The following NOL4 variants were observed in gnomAD, a reference collection of about 807,000 sequenced individuals.
NOL4 encodes cancer/testis antigen 125.
In NOL4, 17 loss-of-function variants were observed where a neutral mutation model predicts 75.9. The observed-to-expected ratio is 0.22, with a 90% confidence interval of 0.15 to 0.34. The LOEUF (loss-of-function observed/expected upper bound fraction) is 0.34, where lower values mean the gene tolerates loss of function less well. Among genes scored for constraint, NOL4 ranks in the 10% least tolerant of loss-of-function variants. The pLI is 1.00. For synonymous variants in NOL4, 292 were observed against 289.9 expected, an observed-to-expected ratio of 1.01 and a Z score of -0.07; for missense variants, 614 against 793.5, an observed-to-expected ratio of 0.77 and a Z score of 2.72.
chr18:34,000,240 C>T (rs2073601304), intron 6 of NOL4, among the ~76,000 whole-genome samples: 1 of 152,086 alleles, frequency 6.6e-6, no homozygotes, highest in African/African-American at 2.4e-5. Context: ...GTACAGTCAA[C>T]CTGCTCAGGA....
At chr18:34,132,451 T>C (rs1278938734) in intron 1 of NOL4, among the ~76,000 whole-genome samples, 1 of 152,208 alleles carries the variant, frequency 6.6e-6, no homozygotes, top group Non-Finnish European at 1.5e-5. Flanking sequence ...CTCAAGAAAT[T>C]GGAAGTTCAG....
intron 8 of NOL4, among the ~76,000 whole-genome samples, chr18:33,952,347 T>G (rs1302963429): frequency 6.6e-6 from 1 of 152,178 alleles, no homozygotes; most frequent in East Asian, 1.9e-4. Flanking sequence ...CATAAAAAAT[T>G]AGTGAACCAA....
At chr18:33,854,140 G>A (rs1469034116) in intron 10 of NOL4, among the ~76,000 whole-genome samples, 3 of 152,046 alleles carry the variant, frequency 2.0e-5, no homozygotes, top group Non-Finnish European at 4.4e-5. Context: ...CTAAACATGC[G>A]TAAATTTTCA....
At chr18:34,148,099 T>C (rs2081483003) in intron 1 of NOL4, among the ~76,000 whole-genome samples, 1 of 152,088 alleles carries the variant, frequency 6.6e-6, no homozygotes, top group Admixed American at 6.6e-5. Context: ...GTTTGATTCT[T>C]CTCTATTTTC....
At chr18:33,898,894 T>A (rs1289138251) in intron 9 of NOL4, among the ~76,000 whole-genome samples, 1 of 152,164 alleles carries the variant, frequency 6.6e-6, no homozygotes, top group Non-Finnish European at 1.5e-5. Context: ...CTTATGGCAC[T>A]CTACACTCTA....
intron 10 of NOL4, among the ~76,000 whole-genome samples, chr18:33,860,726 A>C (rs866160666): frequency 3.9e-5 from 6 of 151,914 alleles, no homozygotes; most frequent in African/African-American, 1.5e-4. Context: ...TTCAAAGGGA[A>C]TGCTTCCAGT....
intron 9 of NOL4, among the ~76,000 whole-genome samples, chr18:33,937,683 A>C (rs1174211754): frequency 1.3e-5 from 2 of 152,112 alleles, no homozygotes; most frequent in African/African-American, 4.8e-5. Flanking sequence ...GATCCCTGCC[A>C]ATTACATGCT....
At chr18:34,113,450 C>T (rs965747004) in intron 2 of NOL4, among the ~76,000 whole-genome samples, 1 of 152,058 alleles carries the variant, frequency 6.6e-6, no homozygotes, top group East Asian at 1.9e-4. Flanking sequence ...GACAACCCAG[C>T]CAACATAGAT....
chr18:34,162,609 CAA>C (rs531243768), intron 1 of NOL4, among the ~76,000 whole-genome samples: 81 of 152,226 alleles, frequency 5.3e-4, no homozygotes, highest in Non-Finnish European at 9.9e-4. Context: ...GCTTACCAAC[CAA>C]AAAGAGTCCA....
At chr18:33,895,303 G>A (rs543075702) in intron 9 of NOL4, among the ~76,000 whole-genome samples, 1 of 151,996 alleles carries the variant, frequency 6.6e-6, no homozygotes, top group African/African-American at 2.4e-5. Context: ...AAACTTCCCC[G>A]ATCAACATAA....
At chr18:34,090,400 A>G (rs1012101494) in intron 5 of NOL4, among the ~76,000 whole-genome samples, 2 of 152,178 alleles carry the variant, frequency 1.3e-5, no homozygotes, top group African/African-American at 4.8e-5. Context: ...TACAGTGATA[A>G]GTCCTCTGAA....
intron 9 of NOL4, among the ~76,000 whole-genome samples, chr18:33,917,564 T>C (rs150498662): frequency 6.6e-6 from 1 of 152,212 alleles, no homozygotes; most frequent in East Asian, 1.9e-4. Flanking sequence ...GGTGTAATCA[T>C]AGCTCACTGC....
chr18:34,204,500 G>C (rs1308528450), intron 1 of NOL4, among the ~76,000 whole-genome samples: 1 of 152,052 alleles, frequency 6.6e-6, no homozygotes, highest in African/African-American at 2.4e-5. Context: ...CCATTTATAT[G>C]AAAAGACTTT....
At chr18:33,965,409 C>T (rs565070682) in intron 6 of NOL4, among the ~76,000 whole-genome samples, 102 of 152,120 alleles carry the variant, frequency 6.7e-4, no homozygotes, top group Non-Finnish European at 1.3e-3. Context: ...AGTAGTATTG[C>T]TTGAGCCCAC....
intron 10 of NOL4, among the ~76,000 whole-genome samples, chr18:33,877,358 T>C (rs951955563): frequency 1.3e-5 from 2 of 148,680 alleles, no homozygotes; most frequent in Non-Finnish European, 3.0e-5. Context: ...TGAGCACTTA[T>C]AGTCCCAGCT....
At chr18:34,202,929 C>A (rs1360677084) in intron 1 of NOL4, among the ~76,000 whole-genome samples, 1 of 151,990 alleles carries the variant, frequency 6.6e-6, no homozygotes, top group Non-Finnish European at 1.5e-5. Flanking sequence ...CAATTGCACT[C>A]TTGGGCATTT....
chr18:33,937,334 C>T (rs987475492), intron 9 of NOL4, among the ~76,000 whole-genome samples: 2 of 152,102 alleles, frequency 1.3e-5, no homozygotes, highest in African/African-American at 4.8e-5. Context: ...CTCTCATGTT[C>T]ATAGCTCAAA....
chr18:34,155,194 A>C (rs1013482465), intron 1 of NOL4, among the ~76,000 whole-genome samples: 1 of 151,986 alleles, frequency 6.6e-6, no homozygotes. Flanking sequence ...TATATATTTG[A>C]AAAATATGAG....
chr18:33,982,819 C>T (rs1490689468), intron 6 of NOL4, among the ~76,000 whole-genome samples: 9 of 141,780 alleles, frequency 6.3e-5, no homozygotes, highest in African/African-American at 1.1e-4. Context: ...GGTGCGTTCT[C>T]GGCTCACTGC....
Sources: allele counts gnomAD v4.1 joint callset (sites outside exome capture counted in the v4.1 genomes callset), GRCh38; gene constraint gnomAD v4.1.1; transcripts MANE v1.5; gene names NCBI Gene and HGNC (gene_info 2026-07-23, HGNC 2026-07-21).